Variants in SUSD5 observed in about 807,000 individuals in gnomAD.
SUSD5 encodes sushi domain containing 5.
Under a neutral mutation model 29.5 loss-of-function variants are expected in SUSD5, and 33 were observed. The ratio of observed to expected loss-of-function variants is 1.12; its 90% CI spans 0.85 to 1.49. The LOEUF (loss-of-function observed/expected upper bound fraction) is 1.49, where lower values mean the gene tolerates loss of function less well. Ranked by LOEUF, SUSD5 falls within the 40% of genes most tolerant of loss-of-function variation. The pLI, the probability that SUSD5 is intolerant of heterozygous loss-of-function variation, is 0.00. For missense variants in SUSD5, 776 were observed against 800.6 expected (o/e 0.97, Z 0.37); for synonymous variants, 308 against 325.3 (o/e 0.95, Z 0.57).
intron 4 of SUSD5, among the ~76,000 whole-genome samples, chr3:33,173,790 CTG>C (rs1390676184): frequency 6.6e-6 from 1 of 152,172 alleles, no homozygotes; most frequent in Non-Finnish European, 1.5e-5. Context: ...GAGAGGAGCA[CTG>C]TGAGATAAGG....
At position 33,218,739 on chromosome 3, in the gene SUSD5, C is replaced by A; in HGVS notation, c.59G>T (p.Trp20Leu). Residue 20 changes from tryptophan (W) to leucine (L), a missense_variant, in exon 1 of 5, where the codon TGG (tryptophan) becomes TTG (leucine). Physicochemically the swap from Trp to Leu is moderately conservative, Grantham distance 61 (BLOSUM62 -2). Coordinates refer to ENST00000309558, the MANE Select transcript of SUSD5 (RefSeq NM_015551.2). ...ACCGAGCAGGAGCAGCGCCGCCGCC[C>A]AGAGCCCGGGGAGGCGTCTGTGCCA... The part of the protein sequence containing the change: ...ARWHRRLPGL[W>L]AAALLLLGLP... The A allele has an allele frequency of 7.3e-7, 1 of 1,368,872 alleles. No individual in the cohort carries two copies. Among genetic ancestry groups the A allele is most frequent in the South Asian group, 1.7e-5 (1 of 57,774 alleles). 84.8% of individuals were successfully genotyped at this position (1,368,872 alleles called of 1,614,324 possible). A position where few individuals can be genotyped will look rare whatever the true frequency, so the allele number is the denominator to read the frequency against.
At chr3:33,177,301 T>C (rs974293582) in intron 3 of SUSD5, among the ~76,000 whole-genome samples, 1 of 152,214 alleles carries the variant, frequency 6.6e-6, no homozygotes. Context: ...GTTCAATCTA[T>C]AGATCAAGTT....
chr3:33,187,069 C>G (rs923244862), intron 3 of SUSD5, among the ~76,000 whole-genome samples: 2 of 152,064 alleles, frequency 1.3e-5, no homozygotes, highest in South Asian at 2.1e-4. Flanking sequence ...GGCAAAAGGC[C>G]TGGACTTTCC....
At chr3:33,199,170 T>C (rs112054905) in intron 3 of SUSD5, among the ~76,000 whole-genome samples, 10 of 152,204 alleles carry the variant, frequency 6.6e-5, no homozygotes, top group African/African-American at 2.4e-4. Context: ...ACTCCCTTTC[T>C]AGGGTGTTTC....
chr3:33,192,007 G>A (rs2031902237), intron 3 of SUSD5, among the ~76,000 whole-genome samples: 1 of 152,100 alleles, frequency 6.6e-6, no homozygotes, highest in Non-Finnish European at 1.5e-5. Context: ...TCAGAACACT[G>A]AGTGCTATCA....
At position 33,199,431 on chromosome 3, in the gene SUSD5, G is replaced by A. The variant is rs577726212; in HGVS notation, c.409+8377C>T. On this transcript the variant is annotated intron_variant, in intron 3 of 4. Transcript: ENST00000309558. ...TGGGACTACAGGCACCCGCCACCAC[G>A]CCCGGCTAACTTTTTGTATTTTTAA... Among the ~76,000 whole-genome samples, 129 of 152,210 alleles carry A rather than the reference G, an allele frequency of 8.5e-4. 1 individual carries two copies. Among genetic ancestry groups the A allele is most frequent in the African/African-American group, 2.9e-3 (119 of 41,532 alleles).
intron 3 of SUSD5, among the ~76,000 whole-genome samples, chr3:33,176,263 T>G (rs757116206): frequency 3.9e-5 from 6 of 152,266 alleles, no homozygotes; most frequent in Non-Finnish European, 8.8e-5. Flanking sequence ...TACATCTTGG[T>G]TGCTTCCGAG....
chr3:33,164,623 TAACCTTGAA>T (rs1242972392), intron 4 of SUSD5, among the ~76,000 whole-genome samples: 1 of 152,138 alleles, frequency 6.6e-6, no homozygotes, highest in Non-Finnish European at 1.5e-5. Context: ...GCAACATAAA[TAACCTTGAA>T]AGTTCTGGTA....
At chr3:33,211,638 C>T (rs1207886865) in intron 2 of SUSD5, among the ~76,000 whole-genome samples, 1 of 152,216 alleles carries the variant, frequency 6.6e-6, no homozygotes, top group Non-Finnish European at 1.5e-5. Flanking sequence ...GCCAGCCAGA[C>T]ATCTTAGGAT....
chr3:33,193,122 T>C (rs4643653), intron 3 of SUSD5, among the ~76,000 whole-genome samples: 110,127 of 151,780 alleles, frequency 0.73, 40,124 homozygotes, highest in East Asian at 0.83. Flanking sequence ...GATGAAGCTA[T>C]AGGGAGGCAG....
At chr3:33,211,778 C>G (rs2032328526) in intron 2 of SUSD5, among the ~76,000 whole-genome samples, 1 of 152,156 alleles carries the variant, frequency 6.6e-6, no homozygotes, top group Non-Finnish European at 1.5e-5. Flanking sequence ...CTTTTGTTGC[C>G]TGTGTTTTTG....
intron 3 of SUSD5, among the ~76,000 whole-genome samples, chr3:33,193,181 C>T (rs778173281): frequency 1.2e-4 from 18 of 152,136 alleles, no homozygotes; most frequent in Non-Finnish European, 2.5e-4. Flanking sequence ...GTCTAGAATT[C>T]GTCCAGAGGA....
intron 4 of SUSD5, among the ~76,000 whole-genome samples, chr3:33,174,105 CAACT>C (rs902402349): frequency 1.3e-5 from 2 of 152,150 alleles, no homozygotes; most frequent in Non-Finnish European, 2.9e-5. Flanking sequence ...TTTTTAGTTT[CAACT>C]AACTATTCAG....
intron 3 of SUSD5, among the ~76,000 whole-genome samples, chr3:33,181,022 A>G (rs927681009): frequency 6.7e-6 from 1 of 149,826 alleles, no homozygotes; most frequent in Non-Finnish European, 1.5e-5. Flanking sequence ...AAATAAAAAA[A>G]GTATAGAATA....
At position 33,218,772 on chromosome 3, in the gene SUSD5, G is replaced by A. The variant is rs1311801079; in HGVS notation, c.26C>T (p.Pro9Leu). Reference protein sequence around the residue: MTAEGPSPPARWHRRLPGL... With the variant: MTAEGPSPLARWHRRLPGL... Reference sequence around the variant, plus strand: ...GGGGAGGCGTCTGTGCCAACGGGCAGGCGGGCTGGGTCCCTCGGCAGTCAT... The same window carrying A: ...GGGGAGGCGTCTGTGCCAACGGGCAAGCGGGCTGGGTCCCTCGGCAGTCAT... Residue 9 changes from proline (P) to leucine (L), a missense_variant, in exon 1 of 5, where the codon CCT becomes CTT. Coordinates refer to ENST00000309558, the MANE Select transcript of SUSD5 (RefSeq NM_015551.2). 2 of 1,437,386 alleles carry A rather than the reference G, an allele frequency of 1.4e-6. No homozygotes were observed. The highest frequency in any genetic ancestry group is 1.5e-5 in the African/African-American group (1 of 67,476). 89.0% of individuals were successfully genotyped at this position (1,437,386 alleles called of 1,614,324 possible). A position where few individuals can be genotyped will look rare whatever the true frequency, so the allele number is the denominator to read the frequency against.
At chr3:33,174,402 C>T (rs1418474946) in intron 4 of SUSD5, among the ~76,000 whole-genome samples, 1 of 152,130 alleles carries the variant, frequency 6.6e-6, no homozygotes, top group African/African-American at 2.4e-5. Context: ...CAGAATAGTT[C>T]TCAGGGTCCT....
At chr3:33,154,257 T>C (rs2030997541) in intron 4 of SUSD5, among the ~76,000 whole-genome samples, 1 of 152,150 alleles carries the variant, frequency 6.6e-6, no homozygotes, top group African/African-American at 2.4e-5. Context: ...GCATGGTGGC[T>C]CACACTTGTA....
chr3:33,156,044 T>A (rs1173194932), intron 4 of SUSD5, among the ~76,000 whole-genome samples: 2 of 151,890 alleles, frequency 1.3e-5, no homozygotes, highest in African/African-American at 4.8e-5. Context: ...CAAAAATGCA[T>A]CTTTTTTTTT....
chr3:33,174,345 T>TG (rs1249883540), intron 4 of SUSD5, among the ~76,000 whole-genome samples: 5 of 152,076 alleles, frequency 3.3e-5, no homozygotes, highest in Non-Finnish European at 7.4e-5. Context: ...CAATAGTGCT[T>TG]GGAAGCCCCA....
Sources: gnomAD v4.1 joint callset for allele counts (sites outside exome capture counted in the v4.1 genomes callset) on GRCh38, gnomAD v4.1.1 for gene constraint, MANE v1.5 for transcripts, NCBI Gene and HGNC (gene_info 2026-07-23, HGNC 2026-07-21) for gene names.